The following ADGRA3 variants were observed in gnomAD, a reference collection of about 807,000 sequenced individuals.
ADGRA3 encodes adhesion G protein-coupled receptor A3, also known as G-protein coupled receptor 125.
Under a neutral mutation model 119.8 loss-of-function variants are expected in ADGRA3, and 56 were observed. The ratio of observed to expected loss-of-function variants is 0.47; its 90% CI spans 0.38 to 0.58. The LOEUF is 0.58. Among genes scored for constraint, ADGRA3 ranks in the 20% least tolerant of loss-of-function variants. The pLI, the probability that ADGRA3 is intolerant of heterozygous loss-of-function variation, is 0.00. For synonymous variants in ADGRA3, 607 were observed against 623.8 expected, an observed-to-expected ratio of 0.97 and a Z score of 0.40; for missense variants, 1,516 against 1,649.0, an observed-to-expected ratio of 0.92 and a Z score of 1.40.
rs56677832 is a variant in ADGRA3 at position 22,444,321 on chromosome 4, T to C, written c.706+652A>G. ...TTTTTTTGAGATGGAGTTTCACTTTTGTCACCCAGGCTGTAGTGCAATGGC... is the reference window on the plus strand; with the variant it reads ...TTTTTTTGAGATGGAGTTTCACTTTCGTCACCCAGGCTGTAGTGCAATGGC... On this transcript the variant is annotated intron_variant, in intron 6 of 18. Coordinates refer to ENST00000334304, the MANE Select transcript of ADGRA3 (RefSeq NM_145290.4). Among the ~76,000 whole-genome samples, 1,088 of 152,240 alleles carry C rather than the reference T, an allele frequency of 7.1e-3. 9 individuals carry two copies. The highest frequency in any genetic ancestry group is 0.025 in the African/African-American group (1,023 of 41,532).
At chr4:22,487,082 T>G (rs1391035313) in intron 1 of ADGRA3, among the ~76,000 whole-genome samples, 1 of 152,178 alleles carries the variant, frequency 6.6e-6, no homozygotes, top group East Asian at 1.9e-4. Flanking sequence ...GTCAACAGCA[T>G]CTGCTCCACC....
intron 14 of ADGRA3, among the ~76,000 whole-genome samples, chr4:22,406,963 T>C (rs112720609): frequency 2.0e-5 from 3 of 152,208 alleles, no homozygotes; most frequent in African/African-American, 7.2e-5. Context: ...AAAATCTGGC[T>C]AGATTGGGCA....
intron 1 of ADGRA3, among the ~76,000 whole-genome samples, chr4:22,485,496 C>G (rs769102569): frequency 1.3e-5 from 2 of 151,794 alleles, no homozygotes; most frequent in Non-Finnish European, 2.9e-5. Flanking sequence ...TTAGAATTTT[C>G]CTGTGTTAAC....
At chr4:22,477,110 A>C (rs771445037) in intron 1 of ADGRA3, among the ~76,000 whole-genome samples, 96 of 152,102 alleles carry the variant, frequency 6.3e-4, no homozygotes, top group Non-Finnish European at 1.2e-3. Flanking sequence ...GTTTATTTTG[A>C]GTGTATCTTA....
intron 7 of ADGRA3, among the ~76,000 whole-genome samples, chr4:22,440,905 A>C (rs1030419339): frequency 1.3e-5 from 2 of 152,158 alleles, no homozygotes; most frequent in African/African-American, 4.8e-5. Context: ...GTATCTCCTA[A>C]TAAGGGAATT....
intron 16 of ADGRA3, among the ~76,000 whole-genome samples, chr4:22,399,328 G>A (rs890060427): frequency 3.3e-5 from 5 of 151,906 alleles, no homozygotes; most frequent in African/African-American, 1.2e-4. Flanking sequence ...CTTCTTTAAG[G>A]GCTCTTGATA....
At chr4:22,495,225 C>G (rs1039711795) in intron 1 of ADGRA3, among the ~76,000 whole-genome samples, 1 of 151,904 alleles carries the variant, frequency 6.6e-6, no homozygotes, top group Non-Finnish European at 1.5e-5. Flanking sequence ...AAGTTCCAGG[C>G]AGGATGGAGC....
At chr4:22,512,998 G>A (rs1719501913) in intron 1 of ADGRA3, among the ~76,000 whole-genome samples, 1 of 152,148 alleles carries the variant, frequency 6.6e-6, no homozygotes, top group African/African-American at 2.4e-5. Flanking sequence ...GGACTCTGAT[G>A]CTACTATGAG....
At chr4:22,504,124 A>G (rs1719151550) in intron 1 of ADGRA3, among the ~76,000 whole-genome samples, 1 of 152,116 alleles carries the variant, frequency 6.6e-6, no homozygotes. Flanking sequence ...TGTGTGTGAT[A>G]CCCAATTCTA....
At chr4:22,462,259 A>G (rs904693601) in intron 2 of ADGRA3, among the ~76,000 whole-genome samples, 1 of 152,040 alleles carries the variant, frequency 6.6e-6, no homozygotes, top group African/African-American at 2.4e-5. Flanking sequence ...GGTTGTTCAT[A>G]TATTTTCCCT....
intron 1 of ADGRA3, among the ~76,000 whole-genome samples, chr4:22,476,910 G>A (rs7686237): frequency 0.011 from 1,717 of 151,948 alleles, 32 homozygotes; most frequent in African/African-American, 0.04. Context: ...CAGATGATCC[G>A]CCCACCTCGG....
At chr4:22,447,116 T>C (rs1222737788) in intron 5 of ADGRA3, among the ~76,000 whole-genome samples, 1 of 152,102 alleles carries the variant, frequency 6.6e-6, no homozygotes, top group Non-Finnish European at 1.5e-5. Flanking sequence ...GAAGGGTTAT[T>C]TTATACTTTG....
At position 22,389,683 on chromosome 4, in the gene ADGRA3, T is replaced by C. The variant is rs963063689; in HGVS notation, c.2628-500A>G. On this transcript the variant is annotated intron_variant, in intron 17 of 18. Transcript: ENST00000334304. Reference sequence around the variant, plus strand: ...CATCGCCAGTCCACTGAGATTAAGGTAAGGAAGGTATCTGGATCCCAGCAG... The same window carrying C: ...CATCGCCAGTCCACTGAGATTAAGGCAAGGAAGGTATCTGGATCCCAGCAG... Among the ~76,000 whole-genome samples the C allele has an allele frequency of 3.9e-5, 6 of 151,920 alleles. No homozygotes were observed. In the East Asian group the frequency reaches 1.2e-3, roughly 29 times the overall value.
At chr4:22,414,825 T>C (rs1715365630) in intron 12 of ADGRA3, among the ~76,000 whole-genome samples, 2 of 152,318 alleles carry the variant, frequency 1.3e-5, no homozygotes, top group African/African-American at 2.4e-5. Flanking sequence ...CCATGCTCAC[T>C]GCACAGACCA....
chr4:22,459,668 GAA>G (rs796391692), intron 3 of ADGRA3, among the ~76,000 whole-genome samples: 8 of 149,562 alleles, frequency 5.3e-5, no homozygotes, highest in African/African-American at 2.0e-4. Context: ...ACTGGAGGCG[GAA>G]AAAAAAAGAA....
chr4:22,389,195 A>C lies in ADGRA3; in HGVS notation c.2628-12T>G, dbSNP rs564114927. 2 of 1,580,140 alleles carry C rather than the reference A, an allele frequency of 1.3e-6. No individual in the cohort carries two copies. Among genetic ancestry groups the C allele is most frequent in the African/African-American group, 2.7e-5 (2 of 74,386 alleles). ...CAATCAGGTAAAATCTAGAAGGAGG[A>C]ATCACAGGAAAAACCACTCATCATT... On this transcript the variant is annotated splice_polypyrimidine_tract_variant and intron_variant, in intron 17 of 18. Coordinates refer to ENST00000334304, the MANE Select transcript of ADGRA3 (RefSeq NM_145290.4).
intron 1 of ADGRA3, among the ~76,000 whole-genome samples, chr4:22,512,929 A>G (rs2109191914): frequency 6.6e-6 from 1 of 152,102 alleles, no homozygotes; most frequent in East Asian, 1.9e-4. Context: ...CTCAACTAAG[A>G]TGAAGGCAAG....
intron 7 of ADGRA3, among the ~76,000 whole-genome samples, chr4:22,441,597 C>T (rs1716615555): frequency 1.3e-5 from 2 of 152,154 alleles, no homozygotes; most frequent in African/African-American, 4.8e-5. Flanking sequence ...ACCTAGCCAG[C>T]TTCTCCTCCA....
At chr4:22,488,488 T>G (rs1422784842) in intron 1 of ADGRA3, among the ~76,000 whole-genome samples, 1 of 152,210 alleles carries the variant, frequency 6.6e-6, no homozygotes, top group Non-Finnish European at 1.5e-5. Flanking sequence ...TTCAGGGGGC[T>G]GGGACCACCC....
Sources: allele counts gnomAD v4.1 joint callset (sites outside exome capture counted in the v4.1 genomes callset), GRCh38; gene constraint gnomAD v4.1.1; transcripts MANE v1.5; gene names NCBI Gene and HGNC (gene_info 2026-07-23, HGNC 2026-07-21).